The following TTC7A variants were observed in gnomAD, a reference collection of about 807,000 sequenced individuals.
TTC7A encodes tetratricopeptide repeat protein 7A.
Under a neutral mutation model 103.7 loss-of-function variants are expected in TTC7A, and 110 were observed. That is an observed-to-expected ratio of 1.06 (90% CI 0.91 to 1.24). The LOEUF is 1.24. Ranked by LOEUF, TTC7A falls within the 50% of genes most tolerant of loss-of-function variation. TTC7A has a pLI of 0.00. For synonymous variants in TTC7A, 521 were observed against 467.9 expected, an observed-to-expected ratio of 1.11 and a Z score of -1.47; for missense variants, 1,340 against 1,116.3, an observed-to-expected ratio of 1.20 and a Z score of -2.86.
chr2:46,934,743 T>G (rs1020599989), intron 2 of TTC7A, among the ~76,000 whole-genome samples: 1 of 142,418 alleles, frequency 7.0e-6, no homozygotes, highest in Non-Finnish European at 1.5e-5. Flanking sequence ...TTTTGCCCTA[T>G]CCCAACAATC....
chr2:46,957,134 T>A (rs1671944882), intron 3 of TTC7A, 127 bp downstream of exon 3: 1 of 1,219,802 alleles, frequency 8.2e-7, no homozygotes, highest in Non-Finnish European at 1.2e-6. Context: ...CTGGCACTGG[T>A]GTCTAAGGTG....
At chr2:46,971,839 G>A (rs775639274) in intron 3 of TTC7A, among the ~76,000 whole-genome samples, 2 of 152,002 alleles carry the variant, frequency 1.3e-5, no homozygotes, top group Non-Finnish European at 2.9e-5. Flanking sequence ...ACAAAGATGG[G>A]ACAGACATTG....
At chr2:47,015,288 A>T (rs1182395313) in intron 11 of TTC7A, among the ~76,000 whole-genome samples, 1 of 152,272 alleles carries the variant, frequency 6.6e-6, no homozygotes, top group Non-Finnish European at 1.5e-5. Flanking sequence ...CATTTAACTT[A>T]AAAAGTTGAA....
Position 46,989,002 on chromosome 2 carries a change from G to T in TTC7A, c.765-4448G>T, listed in dbSNP as rs181211565. 9.8e-5 allele frequency among the ~76,000 whole-genome samples: 15 copies of T among 152,304 alleles called. No individual in the cohort carries two copies. The East Asian group carries it at 2.9e-3, about 29-fold the overall frequency. On this transcript the variant is annotated intron_variant, in intron 5 of 19. Transcript: ENST00000319190. ...CACATTGTGCTGGTACAGGGATAATGAAGCCTGTCTCCCTCACCAGCCTCA... is the reference window on the plus strand; with the variant it reads ...CACATTGTGCTGGTACAGGGATAATTAAGCCTGTCTCCCTCACCAGCCTCA...
chr2:47,069,392 A>G (rs1016905594), intron 19 of TTC7A, among the ~76,000 whole-genome samples: 3 of 152,274 alleles, frequency 2.0e-5, no homozygotes, highest in Admixed American at 1.3e-4. Context: ...ACCCCAGAAG[A>G]GAAAGGGACA....
chr2:47,016,954 C>T (rs4324364), intron 11 of TTC7A, among the ~76,000 whole-genome samples: 90,055 of 151,552 alleles, frequency 0.59, 26,980 homozygotes, highest in East Asian at 0.77. Flanking sequence ...ATCCCAGCAC[C>T]TTGGGAGGCC....
chr2:46,937,924 G>GTA (rs1670062704), upstream of TTC7A, among the ~76,000 whole-genome samples: 1 of 152,090 alleles, frequency 6.6e-6, no homozygotes, highest in African/African-American at 2.4e-5. The surrounding 1 kb of genome is among the most constrained non-coding windows in gnomAD (Gnocchi z 4.0). Context: ...AAACTACTGT[G>GTA]TATATATATG....
At chr2:46,988,859 C>G (rs1290286084) in intron 5 of TTC7A, among the ~76,000 whole-genome samples, 1 of 152,178 alleles carries the variant, frequency 6.6e-6, no homozygotes, top group Non-Finnish European at 1.5e-5. Flanking sequence ...GTAAGCCTGC[C>G]TCTCCCTTTT....
intron 1 of TTC7A, among the ~76,000 whole-genome samples, chr2:46,945,986 T>C (rs1467527657): frequency 6.6e-6 from 1 of 152,228 alleles, no homozygotes; most frequent in East Asian, 1.9e-4. Context: ...TTCCTGACTG[T>C]GAATGGGTGG....
rs1005863428 is a variant in TTC7A, at chr2:46,941,475, C to G, written c.-67C>G. On this transcript the variant is annotated 5_prime_UTR_variant, in exon 1 of 20. Coordinates refer to ENST00000319190, the MANE Select transcript of TTC7A (RefSeq NM_020458.4). The surrounding 1 kb of genome is among the most constrained non-coding windows in gnomAD (Gnocchi z 4.2). ...ACCCCGCCCGCGAGTGCGCCCCAGC[C>G]AGGACGCCGCCCCCGGCCGGGTCTC... is the stretch of plus-strand genomic sequence containing the variant. The G allele has an allele frequency of 2.6e-6, 4 of 1,514,944 alleles. No individual in the cohort carries two copies. Among genetic ancestry groups the G allele is most frequent in the South Asian group, 2.5e-5 (2 of 81,024 alleles). The allele number at this position is 1,514,944 out of a possible 1,614,324, so 93.8% of individuals were successfully genotyped here.
At chr2:47,001,381 G>A (rs1390357575) in intron 8 of TTC7A, among the ~76,000 whole-genome samples, 2 of 152,170 alleles carry the variant, frequency 1.3e-5, no homozygotes, top group African/African-American at 4.8e-5. Context: ...GTCCCAGACT[G>A]GCCGACTGAG....
At chr2:47,031,702 AGG>A (rs370824451) in intron 15 of TTC7A, among the ~76,000 whole-genome samples, 1 of 152,316 alleles carries the variant, frequency 6.6e-6, no homozygotes, top group South Asian at 2.1e-4. Context: ...GTTCCAGCTG[AGG>A]GGGCCCCTCC....
chr2:46,967,133 A>G (rs1350963419), intron 3 of TTC7A, among the ~76,000 whole-genome samples: 1 of 152,076 alleles, frequency 6.6e-6, no homozygotes, highest in Non-Finnish European at 1.5e-5. Flanking sequence ...GAATTGCTTG[A>G]ACCCAGGAGG....
intron 3 of TTC7A, among the ~76,000 whole-genome samples, chr2:46,963,378 G>C (rs1280374704): frequency 1.3e-5 from 2 of 152,266 alleles, no homozygotes; most frequent in African/African-American, 4.8e-5. Flanking sequence ...GCATAGGCCA[G>C]TATCCTGAAG....
intron 8 of TTC7A, chr2:46,999,503 G>A: frequency 1.0e-6 from 1 of 985,338 alleles, no homozygotes; most frequent in Non-Finnish European, 1.2e-6. Context: ...CAGCATGCGG[G>A]ACCATGCTCA....
chr2:46,925,271 T>C (rs1282938825), intron 2 of TTC7A, among the ~76,000 whole-genome samples: 1 of 152,180 alleles, frequency 6.6e-6, no homozygotes, highest in Non-Finnish European at 1.5e-5. Context: ...TTTAACAATA[T>C]GTTGAGCTGG....
At chr2:46,929,442 C>G (rs1174739269) in intron 2 of TTC7A, among the ~76,000 whole-genome samples, 1 of 152,072 alleles carries the variant, frequency 6.6e-6, no homozygotes, top group East Asian at 1.9e-4. Flanking sequence ...TATGATAGCG[C>G]AACTACACTC....
chr2:46,966,307 G>A (rs918690781), intron 3 of TTC7A, among the ~76,000 whole-genome samples: 8 of 152,124 alleles, frequency 5.3e-5, no homozygotes, highest in Non-Finnish European at 7.4e-5. Context: ...GCTACACTAC[G>A]AGCTAGGCAT....
At chr2:46,971,962 G>A (rs1390431375) in intron 3 of TTC7A, among the ~76,000 whole-genome samples, 7 of 150,676 alleles carry the variant, frequency 4.6e-5, no homozygotes, top group Non-Finnish European at 8.9e-5. Flanking sequence ...GACGGAGGTA[G>A]GGAGGGAGGG....
Sources: gnomAD v4.1 joint callset for allele counts (sites outside exome capture counted in the v4.1 genomes callset) on GRCh38, gnomAD v4.1.1 for gene constraint, Gnocchi (gnomAD v3.1) non-coding constraint, MANE v1.5 for transcripts, NCBI Gene and HGNC (gene_info 2026-07-23, HGNC 2026-07-21) for gene names.